Variants in RBFOX1 observed in about 807,000 individuals in gnomAD.
RBFOX1 encodes the protein RNA binding fox-1 homolog 1, also known as RNA binding protein fox-1 homolog 1.
Under a neutral mutation model 57.7 loss-of-function variants are expected in RBFOX1, and 8 were observed. That is an observed-to-expected ratio of 0.14 (90% CI 0.08 to 0.25). The LOEUF (loss-of-function observed/expected upper bound fraction) is 0.25, where lower values mean the gene tolerates loss of function less well. RBFOX1 is among the 10% of genes least tolerant of loss of function. The pLI, the probability that RBFOX1 is intolerant of heterozygous loss-of-function variation, is 1.00. For synonymous variants in RBFOX1, 326 were observed against 222.4 expected (o/e 1.47, Z -4.15); for missense variants, 611 against 548.5 (o/e 1.11, Z -1.14).
At chr16:5,926,680 TG>T (rs2058947174) in intron 4 of RBFOX1, among the ~76,000 whole-genome samples, 1 of 152,218 alleles carries the variant, frequency 6.6e-6, no homozygotes, top group African/African-American at 2.4e-5. Context: ...GATTCTTAGC[TG>T]AAGACTTGGG....
intron 1 of RBFOX1, among the ~76,000 whole-genome samples, chr16:6,134,974 T>A (rs555943266): frequency 1.1e-4 from 16 of 152,256 alleles, no homozygotes; most frequent in African/African-American, 3.9e-4. Context: ...TAGGTATATC[T>A]CCAACTGCTG....
chr16:6,866,785 G>C (rs1314222967), intron 3 of RBFOX1, among the ~76,000 whole-genome samples: 1 of 151,778 alleles, frequency 6.6e-6, no homozygotes, highest in Non-Finnish European at 1.5e-5. Flanking sequence ...CTCGTGATCT[G>C]CCTGCCTTGG....
intron 2 of RBFOX1, among the ~76,000 whole-genome samples, chr16:5,587,885 T>C (rs1297202820): frequency 1.3e-5 from 2 of 152,132 alleles, no homozygotes; most frequent in African/African-American, 2.4e-5. Flanking sequence ...TATCAACCTA[T>C]GTCCTCATGA....
chr16:6,852,715 G>A lies in RBFOX1; in HGVS notation c.-16+198065G>A, dbSNP rs141421424. Among the ~76,000 whole-genome samples, 148 of 151,156 alleles carry A rather than the reference G, an allele frequency of 9.8e-4. 2 individuals carry two copies. Among genetic ancestry groups the A allele is most frequent in the African/African-American group, 3.5e-3 (143 of 41,108 alleles). ...CATGCCAGGAAATAGCTGTGCCAGC[G>A]AGGCGTGGGCTGGGAACTAGCTGTC... On this transcript the variant is annotated intron_variant, in intron 3 of 15. Transcript: ENST00000550418.
chr16:6,531,414 T>C (rs2096656455), intron 2 of RBFOX1, among the ~76,000 whole-genome samples: 1 of 152,200 alleles, frequency 6.6e-6, no homozygotes, highest in African/African-American at 2.4e-5. Flanking sequence ...TTAAGACATC[T>C]TACTCGTTGC....
intron 2 of RBFOX1, among the ~76,000 whole-genome samples, chr16:6,487,805 A>C (rs1239370641): frequency 6.9e-6 from 1 of 145,254 alleles, no homozygotes; most frequent in South Asian, 2.2e-4. Flanking sequence ...CTATTCCTAA[A>C]GTAATGTCTG....
At chr16:7,668,906 G>A (rs2070395111) in intron 13 of RBFOX1, among the ~76,000 whole-genome samples, 1 of 152,104 alleles carries the variant, frequency 6.6e-6, no homozygotes, top group Non-Finnish European at 1.5e-5. Flanking sequence ...TGGAAGTGAA[G>A]CTATAGATGT....
chr16:7,165,963 C>CACATACATACAT (rs957367441), intron 4 of RBFOX1, among the ~76,000 whole-genome samples: 28 of 76,136 alleles, frequency 3.7e-4, no homozygotes, highest in South Asian at 1.0e-3. Context: ...CACACACACA[C>CACATACATACAT]ACATACATAC....
At chr16:7,644,921 G>A (rs1239064316) in intron 11 of RBFOX1, among the ~76,000 whole-genome samples, 3 of 152,060 alleles carry the variant, frequency 2.0e-5, no homozygotes, top group Non-Finnish European at 4.4e-5. Flanking sequence ...CACTGTTAGA[G>A]CCTGGACAAA....
chr16:6,198,228 G>C (rs2097193097), intron 1 of RBFOX1, among the ~76,000 whole-genome samples: 1 of 152,162 alleles, frequency 6.6e-6, no homozygotes, highest in African/African-American at 2.4e-5. Context: ...ACCTTCTGAG[G>C]TTAGCGCCAA....
intron 4 of RBFOX1, among the ~76,000 whole-genome samples, chr16:7,511,438 T>G (rs1156246037): frequency 6.6e-6 from 1 of 152,100 alleles, no homozygotes; most frequent in Non-Finnish European, 1.5e-5. Context: ...AGAGAGAAAA[T>G]TCAGGGTTCA....
chr16:6,430,749 G>C (rs151262277), intron 2 of RBFOX1, among the ~76,000 whole-genome samples: 69 of 152,162 alleles, frequency 4.5e-4, no homozygotes, highest in African/African-American at 1.6e-3. Context: ...TGGCAACAAG[G>C]TTCTATTTGC....
chr16:5,751,599 A>G (rs1009486075), intron 3 of RBFOX1, among the ~76,000 whole-genome samples: 1 of 152,184 alleles, frequency 6.6e-6, no homozygotes, highest in African/African-American at 2.4e-5. Context: ...ACCTAAAGTC[A>G]CACAGATACT....
rs62014059 is a variant in RBFOX1 at position 7,363,823 on chromosome 16, A to C, written c.28-154324A>C. Among the ~76,000 whole-genome samples, 396 of 152,176 alleles carry C rather than the reference A, an allele frequency of 2.6e-3. 2 individuals are homozygous for C. Among genetic ancestry groups the C allele is most frequent in the Non-Finnish European group, 4.2e-3 (283 of 68,012 alleles). On this transcript the variant is annotated intron_variant, in intron 4 of 15. Coordinates refer to ENST00000550418, the MANE Select transcript of RBFOX1 (RefSeq NM_018723.4). ...AAATAAGTGCCCAGAATCTCCCGTC[A>C]GTCTTCTTGATGTTTATTATCTGGG...
intron 1 of RBFOX1, among the ~76,000 whole-genome samples, chr16:5,442,622 A>C (rs1210416213): frequency 6.6e-6 from 1 of 152,198 alleles, no homozygotes; most frequent in Non-Finnish European, 1.5e-5. Flanking sequence ...CTTAAAAACC[A>C]ATTGGGCTTG....
Position 7,518,151 on chromosome 16 carries a change from A to G in RBFOX1, c.32A>G (p.Asn11Ser), listed in dbSNP as rs756925597. Residue 11 changes from asparagine (N) to serine (S), a missense_variant, in exon 5 of 16, where the codon AAT (asparagine) becomes AGT (serine). This residue lies in a region of RBFOX1 where 245 missense variants were observed against 159.1 expected (regional missense o/e 1.54). Transcript: ENST00000550418. ...TGCACCTTTTTGATTTTTCAGGGTA[A>G]TCAGGAAGCAGCCGCTGCCCCTGAC... MNCEREQLRG[N>S]QEAAAAPDTM... is the part of the protein sequence containing the mutation. The G allele has an allele frequency of 1.2e-6, 2 of 1,609,554 alleles. No homozygotes were observed.
At chr16:7,187,130 C>G (rs1241711210) in intron 4 of RBFOX1, among the ~76,000 whole-genome samples, 1 of 151,744 alleles carries the variant, frequency 6.6e-6, no homozygotes, top group Non-Finnish European at 1.5e-5. Context: ...GATGGTGCCA[C>G]TGCACTCCAG....
At chr16:5,760,336 A>G (rs1347559319) in intron 3 of RBFOX1, among the ~76,000 whole-genome samples, 1 of 152,040 alleles carries the variant, frequency 6.6e-6, no homozygotes. Context: ...TAAACCAGAA[A>G]ATAAAGATAA....
intron 4 of RBFOX1, among the ~76,000 whole-genome samples, chr16:7,481,370 G>C (rs1205503343): frequency 6.6e-6 from 1 of 152,134 alleles, no homozygotes; most frequent in Non-Finnish European, 1.5e-5. Context: ...ACATATGTCA[G>C]GTGATATTAG....
Sources: allele counts gnomAD v4.1 joint callset (sites outside exome capture counted in the v4.1 genomes callset), GRCh38; gene constraint gnomAD v4.1.1; regional missense constraint gnomAD v4.1.1; transcripts MANE v1.5; gene names NCBI Gene and HGNC (gene_info 2026-07-23, HGNC 2026-07-21).